Variants in COL5A2 observed in about 807,000 individuals in gnomAD.
COL5A2 encodes collagen type V alpha 2 chain.
COL5A2 carries 23 observed loss-of-function variants against 208.2 expected under a neutral mutation model. The observed-to-expected ratio is 0.11, with a 90% CI of 0.08 to 0.16. COL5A2 has a LOEUF of 0.16. Among genes scored for constraint, COL5A2 ranks in the 10% least tolerant of loss-of-function variants. COL5A2 has a pLI of 1.00. For missense variants in COL5A2, 1,590 were observed against 1,956.4 expected (o/e 0.81, Z 3.53); for synonymous variants, 625 against 628.5 (o/e 0.99, Z 0.08).
intron 7 of COL5A2, among the ~76,000 whole-genome samples, chr2:189,091,626 T>A (rs1239859546): frequency 1.3e-5 from 2 of 152,164 alleles, no homozygotes; most frequent in Admixed American, 6.5e-5. Flanking sequence ...TATAACAGAC[T>A]ATATTGTGGA....
chr2:189,403,319 T>A, the COL5A2 span, among the ~76,000 whole-genome samples: 1 of 152,208 alleles, frequency 6.6e-6, no homozygotes, highest in Non-Finnish European at 1.5e-5. Flanking sequence ...GGTTGAGACG[T>A]GGGCTTTTCT....
chr2:189,311,213 T>G, the COL5A2 span: 40 of 1,265,098 alleles, frequency 3.2e-5, no homozygotes, highest in Non-Finnish European at 4.4e-5. Flanking sequence ...ACCTCTGAAC[T>G]TTTTATTGGC....
chr2:189,036,222 A>G (rs1268910186), intron 52 of COL5A2, among the ~76,000 whole-genome samples: 1 of 152,110 alleles, frequency 6.6e-6, no homozygotes, highest in Non-Finnish European at 1.5e-5. Context: ...AAGGCCCCAA[A>G]GTCAGTACAA....
intron 2 of COL5A2, among the ~76,000 whole-genome samples, chr2:189,105,577 G>A (rs962583928): frequency 6.6e-6 from 1 of 151,050 alleles, no homozygotes; most frequent in Non-Finnish European, 1.5e-5. Context: ...TTTATATCTA[G>A]TATTTCTTTA....
the COL5A2 span, among the ~76,000 whole-genome samples, chr2:189,325,323 A>AAT: frequency 1.3e-3 from 199 of 147,660 alleles, 1 homozygote; most frequent in Middle Eastern, 3.5e-3. Flanking sequence ...AATAAAAAAA[A>AAT]ATATATATAT....
the COL5A2 span, among the ~76,000 whole-genome samples, chr2:189,243,037 G>A: frequency 6.6e-6 from 1 of 152,188 alleles, no homozygotes; most frequent in African/African-American, 2.4e-5. Flanking sequence ...TAAAAAAACA[G>A]TGAGCCTCTG....
chr2:189,240,977 T>C, the COL5A2 span, among the ~76,000 whole-genome samples: 1 of 152,182 alleles, frequency 6.6e-6, no homozygotes. Context: ...TTCCCACAAA[T>C]TGGACTTCAA....
chr2:189,415,627 C>T, the COL5A2 span, among the ~76,000 whole-genome samples: 3 of 152,082 alleles, frequency 2.0e-5, no homozygotes, highest in Non-Finnish European at 4.4e-5. Context: ...ATAACATGTC[C>T]ATAAAATATC....
At chr2:189,139,102 C>T (rs191514173) in intron 1 of COL5A2, among the ~76,000 whole-genome samples, 264 of 152,080 alleles carry the variant, frequency 1.7e-3, no homozygotes, top group African/African-American at 6.1e-3. Flanking sequence ...AATACCACCC[C>T]AGACAGGTGA....
the COL5A2 span, among the ~76,000 whole-genome samples, chr2:189,240,954 T>A: frequency 2.0e-5 from 3 of 152,202 alleles, no homozygotes; most frequent in Non-Finnish European, 4.4e-5. Context: ...TCTTTGCTAC[T>A]CATTGGGATT....
chr2:189,267,143 T>G, the COL5A2 span, among the ~76,000 whole-genome samples: 1 of 152,176 alleles, frequency 6.6e-6, no homozygotes, highest in Non-Finnish European at 1.5e-5. Context: ...GCCAAATGAC[T>G]TTTAGTAAAC....
the COL5A2 span, among the ~76,000 whole-genome samples, chr2:189,259,356 T>G: frequency 6.6e-6 from 1 of 152,192 alleles, no homozygotes; most frequent in Non-Finnish European, 1.5e-5. Flanking sequence ...CCAAGGTTAT[T>G]TTTAACCTCA....
chr2:189,044,250 T>C (rs753262308), intron 47 of COL5A2, among the ~76,000 whole-genome samples: 22 of 152,148 alleles, frequency 1.4e-4, no homozygotes, highest in Non-Finnish European at 2.8e-4. Context: ...AATTTATATT[T>C]CCTAATTATC....
At chr2:189,096,326 T>C (rs1182809538) in intron 6 of COL5A2, among the ~76,000 whole-genome samples, 2 of 152,044 alleles carry the variant, frequency 1.3e-5, no homozygotes, top group African/African-American at 2.4e-5. Context: ...GGGAGCAATA[T>C]ACAAATGAAT....
intron 1 of COL5A2, among the ~76,000 whole-genome samples, chr2:189,173,474 T>C (rs1688613455): frequency 1.3e-5 from 2 of 152,158 alleles, no homozygotes; most frequent in South Asian, 2.1e-4. Flanking sequence ...TAAAGCAAAA[T>C]TTTCCATAGG....
chr2:189,208,320 G>A (rs1362733540), intron 1 of COL5A2, among the ~76,000 whole-genome samples: 1 of 152,202 alleles, frequency 6.6e-6, no homozygotes, highest in Non-Finnish European at 1.5e-5. Context: ...ATAATAAGGA[G>A]TCCATACACA....
rs1371179600 is a variant in COL5A2 at position 189,034,910 on chromosome 2, A to G, written c.4353+6T>C. 1.2e-6 allele frequency: 2 copies of G among 1,613,764 alleles called. No homozygotes were observed. The highest frequency in any genetic ancestry group is 1.7e-6 in the Non-Finnish European group (2 of 1,179,850). Reference sequence around the variant, plus strand: ...ACCAGATCAATGTAGATCAAAAAGTACTTACAGAGCAAGTGTCTTGAAGAA... The same window carrying G: ...ACCAGATCAATGTAGATCAAAAAGTGCTTACAGAGCAAGTGTCTTGAAGAA... On this transcript the variant is annotated splice_donor_region_variant and intron_variant, in intron 53 of 53. Coordinates refer to ENST00000374866, the MANE Select transcript of COL5A2 (RefSeq NM_000393.5).
At position 189,039,317 on chromosome 2, in the gene COL5A2, G is replaced by A. The variant is rs758136981; in HGVS notation, c.3880C>T (p.Arg1294Cys). ...SPDGSKKHPARTCDDLKLCHS... is the reference protein window; with the variant it reads ...SPDGSKKHPACTCDDLKLCHS... ...CAAAGCTTTAGGTCATCACACGTGCGGGCTGGGTGCTTTTTCGAGCCATCG... is the reference window on the plus strand; with the variant it reads ...CAAAGCTTTAGGTCATCACACGTGCAGGCTGGGTGCTTTTTCGAGCCATCG... Residue 1294 changes from arginine (R) to cysteine (C), a missense_variant, in exon 51 of 54, where the codon CGC (arginine) becomes TGC (cysteine). Physicochemically the swap from Arg to Cys is radical, Grantham distance 180. Coordinates refer to ENST00000374866, the MANE Select transcript of COL5A2 (RefSeq NM_000393.5). The A allele has an allele frequency of 2.2e-5, 35 of 1,613,908 alleles. 1 individual carries two copies. Among genetic ancestry groups the A allele is most frequent in the Middle Eastern group, 3.3e-4 (2 of 6,080 alleles).
the COL5A2 span, among the ~76,000 whole-genome samples, chr2:189,385,301 C>A: frequency 6.6e-6 from 1 of 152,030 alleles, no homozygotes; most frequent in Non-Finnish European, 1.5e-5. Flanking sequence ...AATCAATGTA[C>A]AAAACTCAAC....
Sources: gnomAD v4.1 joint callset for allele counts (sites outside exome capture counted in the v4.1 genomes callset) on GRCh38, gnomAD v4.1.1 for gene constraint, MANE v1.5 for transcripts, NCBI Gene and HGNC (gene_info 2026-07-23, HGNC 2026-07-21) for gene names.